Variants in QTMAN observed in about 807,000 individuals in gnomAD.
QTMAN encodes the protein tRNA-queuosine alpha-mannosyltransferase.
At chr2:144,085,237 C>T in the QTMAN span, among the ~76,000 whole-genome samples, 20 of 152,182 alleles carry the variant, frequency 1.3e-4, no homozygotes, top group African/African-American at 4.3e-4. Context: ...ATGTTATTTA[C>T]AAAAAACAAG....
the QTMAN span, among the ~76,000 whole-genome samples, chr2:144,028,228 G>A: frequency 6.6e-6 from 1 of 152,184 alleles, no homozygotes. Context: ...AGACTGTTGA[G>A]AGGGTAAAGT....
the QTMAN span, among the ~76,000 whole-genome samples, chr2:144,143,105 T>C: frequency 6.6e-6 from 1 of 152,006 alleles, no homozygotes; most frequent in Non-Finnish European, 1.5e-5. Context: ...TGTAGGCTAA[T>C]GTAAGTATTC....
At chr2:143,995,450 G>C in the QTMAN span, among the ~76,000 whole-genome samples, 1 of 152,120 alleles carries the variant, frequency 6.6e-6, no homozygotes, top group African/African-American at 2.4e-5. Context: ...TGTTTAGTAA[G>C]TGCTTACTCT....
the QTMAN span, chr2:144,007,205 T>C: frequency 6.2e-7 from 1 of 1,603,170 alleles, no homozygotes; most frequent in Non-Finnish European, 8.5e-7. Flanking sequence ...AGACAATGTG[T>C]AGCAGTCTTT....
the QTMAN span, chr2:143,970,677 C>T: frequency 1.2e-6 from 2 of 1,604,232 alleles, no homozygotes; most frequent in South Asian, 2.2e-5. Flanking sequence ...AAGGTTTCTC[C>T]AAGTACAGAC....
chr2:143,949,153 C>T, the QTMAN span, among the ~76,000 whole-genome samples: 2 of 151,620 alleles, frequency 1.3e-5, no homozygotes, highest in Non-Finnish European at 2.9e-5. Flanking sequence ...AGAGACTGAG[C>T]GAGTACACAC....
At chr2:143,956,041 T>G in the QTMAN span, among the ~76,000 whole-genome samples, 1 of 152,178 alleles carries the variant, frequency 6.6e-6, no homozygotes, top group Non-Finnish European at 1.5e-5. Flanking sequence ...CTTCAGTGGA[T>G]AAGAAAGAAA....
At chr2:144,123,114 A>C in the QTMAN span, among the ~76,000 whole-genome samples, 1 of 152,134 alleles carries the variant, frequency 6.6e-6, no homozygotes, top group Non-Finnish European at 1.5e-5. Flanking sequence ...TAAATTACCT[A>C]TCTATAAGGA....
the QTMAN span, among the ~76,000 whole-genome samples, chr2:143,997,256 C>A: frequency 6.6e-6 from 1 of 152,092 alleles, no homozygotes; most frequent in Non-Finnish European, 1.5e-5. Flanking sequence ...AAAGCACCCA[C>A]TCAGACATTT....
chr2:144,169,717 A>G, the QTMAN span, among the ~76,000 whole-genome samples: 2 of 152,178 alleles, frequency 1.3e-5, no homozygotes, highest in South Asian at 4.1e-4. Flanking sequence ...TAAAAAATAG[A>G]TCTTTGATTG....
At chr2:144,094,281 T>C in the QTMAN span, among the ~76,000 whole-genome samples, 1 of 152,190 alleles carries the variant, frequency 6.6e-6, no homozygotes, top group Non-Finnish European at 1.5e-5. Flanking sequence ...AGTTAACTAA[T>C]TTGGAATTTC....
chr2:144,249,924 T>G, the QTMAN span, among the ~76,000 whole-genome samples: 2 of 152,150 alleles, frequency 1.3e-5, no homozygotes, highest in African/African-American at 4.8e-5. Context: ...AATACATTCT[T>G]AAGAATTCTA....
chr2:144,107,533 C>T, the QTMAN span, among the ~76,000 whole-genome samples: 61,056 of 151,892 alleles, frequency 0.4, 13,186 homozygotes, highest in East Asian at 0.56. Context: ...TGGACACATA[C>T]ACCCCCTCAA....
the QTMAN span, among the ~76,000 whole-genome samples, chr2:144,145,154 G>A: frequency 6.8e-6 from 1 of 147,312 alleles, no homozygotes; most frequent in African/African-American, 2.5e-5. Context: ...ACCCCAAGTT[G>A]CTCCATTATG....
chr2:144,014,928 C>T, the QTMAN span, among the ~76,000 whole-genome samples: 5 of 152,258 alleles, frequency 3.3e-5, no homozygotes, highest in Admixed American at 3.3e-4. Flanking sequence ...TCTGGCAACA[C>T]CACTTATGTG....
chr2:144,169,554 C>T, the QTMAN span, among the ~76,000 whole-genome samples: 15 of 152,112 alleles, frequency 9.9e-5, no homozygotes, highest in South Asian at 4.1e-4. Context: ...CAATGAGAGG[C>T]TTTGCTTAGC....
At chr2:144,055,269 C>G in the QTMAN span, among the ~76,000 whole-genome samples, 2 of 151,262 alleles carry the variant, frequency 1.3e-5, no homozygotes, top group Non-Finnish European at 2.9e-5. Flanking sequence ...AGTCAAATAC[C>G]ACCACTTAAG....
the QTMAN span, among the ~76,000 whole-genome samples, chr2:144,111,808 T>C: frequency 6.6e-6 from 1 of 152,202 alleles, no homozygotes; most frequent in Non-Finnish European, 1.5e-5. Context: ...CTTATATAGT[T>C]TCTATTAATT....
the QTMAN span, among the ~76,000 whole-genome samples, chr2:144,206,651 G>GT: frequency 6.6e-6 from 1 of 152,164 alleles, no homozygotes; most frequent in African/African-American, 2.4e-5. Flanking sequence ...CTATCGCAGA[G>GT]TAAGGCTTTA....
Sources: allele counts gnomAD v4.1 joint callset (sites outside exome capture counted in the v4.1 genomes callset), GRCh38; gene constraint gnomAD v4.1.1; transcripts MANE v1.5; gene names NCBI Gene and HGNC (gene_info 2026-07-23, HGNC 2026-07-21).